The following ANKS1B variants were observed in gnomAD, a reference collection of about 807,000 sequenced individuals.
ANKS1B encodes the protein ankyrin repeat and sterile alpha motif domain containing 1B, also known as ankyrin repeat and sterile alpha motif domain-containing protein 1B.
A neutral mutation model predicts 148.3 loss-of-function variants in ANKS1B; 36 were observed. The ratio of observed to expected loss-of-function variants is 0.24; its 90% CI spans 0.19 to 0.32. The LOEUF is 0.32. Ranked by LOEUF, ANKS1B falls within the 10% of genes least tolerant of loss-of-function variation. The pLI, the probability that ANKS1B is intolerant of heterozygous loss-of-function variation, is 1.00. For synonymous variants in ANKS1B, 542 were observed against 560.8 expected (o/e 0.97, Z 0.47); for missense variants, 1,157 against 1,542.6 (o/e 0.75, Z 4.19).
intron 10 of ANKS1B, among the ~76,000 whole-genome samples, chr12:99,487,792 A>T (rs188529108): frequency 2.5e-4 from 38 of 152,030 alleles, no homozygotes; most frequent in African/African-American, 8.9e-4. Context: ...AAGAATATAT[A>T]TATTCTGTAT....
At chr12:98,857,627 C>G (rs922003514) in intron 17 of ANKS1B, among the ~76,000 whole-genome samples, 7 of 151,272 alleles carry the variant, frequency 4.6e-5, no homozygotes, top group Non-Finnish European at 1.0e-4. Context: ...GAGGCAATGT[C>G]ACTGGTTGAA....
chr12:98,920,677 G>GT (rs2152904451), intron 17 of ANKS1B, among the ~76,000 whole-genome samples: 1 of 152,276 alleles, frequency 6.6e-6, no homozygotes, highest in East Asian at 1.9e-4. Context: ...TGAGATTTGG[G>GT]TGGGGACACA....
chr12:99,322,286 T>C (rs2085420589), intron 12 of ANKS1B, among the ~76,000 whole-genome samples: 1 of 151,886 alleles, frequency 6.6e-6, no homozygotes, highest in Non-Finnish European at 1.5e-5. Flanking sequence ...TTCTCACTCA[T>C]AAGGGGTAGT....
In ANKS1B at chr12:99,247,248, G is replaced by A. The variant is rs529922117; in HGVS notation, c.1757-384C>T. 8.0e-4 allele frequency among the ~76,000 whole-genome samples: 122 copies of A among 152,198 alleles called. 2 individuals carry two copies. In the South Asian group the frequency reaches 0.025, roughly 31 times the overall value. On this transcript the variant is annotated intron_variant, in intron 12 of 26. Transcript: ENST00000683438. ...AAACTCTCACAGTAAATGAATCATC[G>A]TGAAGTAGAACACTAGGCAGGTAAG...
chr12:98,932,435 G>A (rs1168482452), intron 17 of ANKS1B, among the ~76,000 whole-genome samples: 2 of 152,164 alleles, frequency 1.3e-5, no homozygotes, highest in Admixed American at 6.5e-5. Context: ...TGCAAAACAA[G>A]TTTTGTGTTT....
chr12:99,605,981 G>A (rs1280268639), intron 9 of ANKS1B, among the ~76,000 whole-genome samples: 1 of 151,814 alleles, frequency 6.6e-6, no homozygotes, highest in Non-Finnish European at 1.5e-5. Context: ...CTTTCTTCAT[G>A]TCCTCACCAG....
intron 1 of ANKS1B, among the ~76,000 whole-genome samples, chr12:99,827,999 A>C (rs765868214): frequency 3.3e-5 from 5 of 152,222 alleles, no homozygotes; most frequent in Non-Finnish European, 5.9e-5. Flanking sequence ...TATAATATTA[A>C]TAACAGCTCT....
chr12:99,829,926 G>A (rs767296379), intron 1 of ANKS1B, among the ~76,000 whole-genome samples: 22 of 152,010 alleles, frequency 1.4e-4, no homozygotes, highest in Non-Finnish European at 1.3e-4. Flanking sequence ...AGTCCGATAC[G>A]GTCTTTTAAA....
At chr12:99,928,794 G>C (rs543142311) in intron 1 of ANKS1B, among the ~76,000 whole-genome samples, 2 of 152,102 alleles carry the variant, frequency 1.3e-5, no homozygotes, top group Non-Finnish European at 2.9e-5. Flanking sequence ...ACCCTCTCAG[G>C]ATCGTAACTC....
chr12:99,366,284 G>A (rs2092762206), intron 12 of ANKS1B, among the ~76,000 whole-genome samples: 1 of 152,042 alleles, frequency 6.6e-6, no homozygotes, highest in Admixed American at 6.6e-5. Flanking sequence ...TATTTCCTTG[G>A]TTTTCTTGGT....
chr12:99,306,291 T>C (rs1465045597), intron 12 of ANKS1B, among the ~76,000 whole-genome samples: 1 of 152,102 alleles, frequency 6.6e-6, no homozygotes, highest in African/African-American at 2.4e-5. Context: ...GAAGGAAGCA[T>C]TCAGCCATTC....
chr12:99,507,855 T>C (rs1043273057), intron 9 of ANKS1B, among the ~76,000 whole-genome samples: 1 of 151,824 alleles, frequency 6.6e-6, no homozygotes, highest in African/African-American at 2.4e-5. Flanking sequence ...TGTCCACTAC[T>C]CAGTTTAAGA....
intron 4 of ANKS1B, among the ~76,000 whole-genome samples, chr12:99,797,849 T>A (rs1450851844): frequency 6.6e-6 from 1 of 151,892 alleles, no homozygotes; most frequent in African/African-American, 2.4e-5. Context: ...ACAAGATAAG[T>A]CGCAAGCAAA....
chr12:99,151,527 C>CA (rs10710183), intron 15 of ANKS1B, among the ~76,000 whole-genome samples: 653 of 135,634 alleles, frequency 4.8e-3, no homozygotes, highest in African/African-American at 8.1e-3. Flanking sequence ...GACTCCCACT[C>CA]AAAAAAAAAA....
At chr12:98,938,534 A>C (rs1431984720) in intron 17 of ANKS1B, among the ~76,000 whole-genome samples, 1 of 152,196 alleles carries the variant, frequency 6.6e-6, no homozygotes, top group Non-Finnish European at 1.5e-5. Context: ...CATGGATAGG[A>C]AAAGAAAGGT....
At chr12:99,316,360 A>G (rs565290639) in intron 12 of ANKS1B, among the ~76,000 whole-genome samples, 2 of 152,168 alleles carry the variant, frequency 1.3e-5, no homozygotes, top group African/African-American at 4.8e-5. Context: ...AATGATCGCC[A>G]TTTTAACTGG....
At chr12:99,809,760 C>G (rs1250899506) in intron 3 of ANKS1B, among the ~76,000 whole-genome samples, 1 of 152,016 alleles carries the variant, frequency 6.6e-6, no homozygotes, top group Non-Finnish European at 1.5e-5. Context: ...TTAAAGAAAG[C>G]TGTATTAGAA....
intron 8 of ANKS1B, among the ~76,000 whole-genome samples, chr12:99,760,878 C>T (rs917900698): frequency 8.6e-5 from 13 of 150,354 alleles, no homozygotes; most frequent in African/African-American, 2.9e-4. Flanking sequence ...CCAATCCCAC[C>T]GAAATACAAA....
At chr12:99,837,516 T>C (rs1195152333) in intron 1 of ANKS1B, among the ~76,000 whole-genome samples, 6 of 152,200 alleles carry the variant, frequency 3.9e-5, no homozygotes, top group Non-Finnish European at 7.3e-5. Flanking sequence ...TGCTACATAC[T>C]AGAAACTATG....
Sources: gnomAD v4.1 joint callset for allele counts (sites outside exome capture counted in the v4.1 genomes callset) on GRCh38, gnomAD v4.1.1 for gene constraint, MANE v1.5 for transcripts, NCBI Gene and HGNC (gene_info 2026-07-23, HGNC 2026-07-21) for gene names.